KAZN: variants seen among roughly 807,000 people sequenced by gnomAD.
KAZN encodes kazrin, periplakin interacting protein.
A neutral mutation model predicts 87.4 loss-of-function variants in KAZN; 40 were observed. The observed-to-expected ratio is 0.46, with a 90% CI of 0.36 to 0.60. The LOEUF is 0.60. KAZN is among the 20% of genes least tolerant of loss of function. The pLI is 0.00. For missense variants in KAZN, 898 were observed against 1,073.9 expected (o/e 0.84, Z 2.29); for synonymous variants, 466 against 458.3 (o/e 1.02, Z -0.22).
chr1:14,632,265 T>G (rs1157802489), intron 1 of KAZN, among the ~76,000 whole-genome samples: 4 of 152,204 alleles, frequency 2.6e-5, no homozygotes, highest in Admixed American at 6.5e-5. Flanking sequence ...TAAAGGTCCT[T>G]GTTTTTATTT....
At chr1:14,931,165 G>A (rs566216292) in intron 1 of KAZN, among the ~76,000 whole-genome samples, 20 of 152,192 alleles carry the variant, frequency 1.3e-4, no homozygotes, top group African/African-American at 3.9e-4. Flanking sequence ...GGCTGGGCTC[G>A]ATGGCTCACA....
intron 1 of KAZN, among the ~76,000 whole-genome samples, chr1:14,869,932 C>T (rs1475331724): frequency 6.6e-6 from 1 of 152,186 alleles, no homozygotes; most frequent in Non-Finnish European, 1.5e-5. Flanking sequence ...CCTGAAGCCA[C>T]CCAACACCCA....
intron 2 of KAZN, among the ~76,000 whole-genome samples, chr1:14,572,525 G>C (rs1448305916): frequency 6.6e-6 from 1 of 152,204 alleles, no homozygotes; most frequent in African/African-American, 2.4e-5. Context: ...GTATGACTCT[G>C]GGCTCAGAGC....
At chr1:13,958,909 A>G (rs1235559890) in intron 1 of KAZN, among the ~76,000 whole-genome samples, 1 of 152,168 alleles carries the variant, frequency 6.6e-6, no homozygotes, top group Non-Finnish European at 1.5e-5. Flanking sequence ...TATAGGCTCT[A>G]CTAGATTGGT....
intron 2 of KAZN, among the ~76,000 whole-genome samples, chr1:14,290,634 G>T (rs1220118878): frequency 6.6e-6 from 1 of 152,268 alleles, no homozygotes; most frequent in Admixed American, 6.5e-5. Context: ...TCCTCCTTCA[G>T]CTTGGAGAAG....
chr1:14,313,248 T>C (rs1655429529), intron 2 of KAZN, among the ~76,000 whole-genome samples: 1 of 152,116 alleles, frequency 6.6e-6, no homozygotes, highest in Non-Finnish European at 1.5e-5. Flanking sequence ...AAAGGTTATC[T>C]CTTGACATCT....
At chr1:14,251,606 C>G (rs1235361832) in intron 2 of KAZN, among the ~76,000 whole-genome samples, 1 of 147,302 alleles carries the variant, frequency 6.8e-6, no homozygotes, top group African/African-American at 2.6e-5. Context: ...TGGGGTAGGT[C>G]CAGAAAAATC....
intron 1 of KAZN, among the ~76,000 whole-genome samples, chr1:14,638,364 C>T (rs1680155811): frequency 2.0e-5 from 3 of 151,918 alleles, no homozygotes; most frequent in African/African-American, 4.8e-5. Flanking sequence ...AGGTCAGAAG[C>T]TTGAGACCAG....
At chr1:14,828,916 T>G (rs1342878507) in intron 1 of KAZN, among the ~76,000 whole-genome samples, 1 of 152,182 alleles carries the variant, frequency 6.6e-6, no homozygotes, top group African/African-American at 2.4e-5. Flanking sequence ...GAGCAACATT[T>G]GTACTGCTTT....
chr1:14,749,178 C>G (rs116824721), intron 1 of KAZN, among the ~76,000 whole-genome samples: 111 of 152,290 alleles, frequency 7.3e-4, no homozygotes, highest in African/African-American at 2.4e-3. Flanking sequence ...GAACTCACAT[C>G]CACTGAGACC....
At chr1:15,107,845 C>T (rs1245506506) in intron 13 of KAZN, among the ~76,000 whole-genome samples, 1 of 152,084 alleles carries the variant, frequency 6.6e-6, no homozygotes, top group African/African-American at 2.4e-5. Flanking sequence ...CAGTTTCTTC[C>T]TCTGTAATAG....
intron 2 of KAZN, among the ~76,000 whole-genome samples, chr1:14,356,053 A>G (rs1255370217): frequency 2.0e-5 from 3 of 152,210 alleles, no homozygotes; most frequent in Non-Finnish European, 4.4e-5. Context: ...CCAATGGTGT[A>G]AAAGTGTTCC....
chr1:14,250,601 A>G (rs997700424), intron 2 of KAZN, among the ~76,000 whole-genome samples: 1 of 151,958 alleles, frequency 6.6e-6, no homozygotes, highest in Admixed American at 6.6e-5. Flanking sequence ...CAACATTAAG[A>G]CTTTGAAGCA....
chr1:14,018,419 G>A (rs12078958), intron 1 of KAZN, among the ~76,000 whole-genome samples: 25,045 of 152,152 alleles, frequency 0.16, 2,240 homozygotes, highest in Middle Eastern at 0.2. Flanking sequence ...GCTGATCTTC[G>A]CCCTTTTGGG....
chr1:14,082,221 A>T (rs921724263), intron 1 of KAZN, among the ~76,000 whole-genome samples: 3 of 152,196 alleles, frequency 2.0e-5, no homozygotes, highest in African/African-American at 7.2e-5. Context: ...TGGTTTTGTG[A>T]GGACTGCCTT....
intron 2 of KAZN, among the ~76,000 whole-genome samples, chr1:14,409,119 G>C (rs762589666): frequency 6.6e-6 from 1 of 152,162 alleles, no homozygotes; most frequent in Non-Finnish European, 1.5e-5. Flanking sequence ...TGATTCAGAA[G>C]GCAACCCTCT....
intron 1 of KAZN, among the ~76,000 whole-genome samples, chr1:14,136,865 T>G (rs1367312335): frequency 6.6e-6 from 1 of 152,118 alleles, no homozygotes; most frequent in African/African-American, 2.4e-5. Context: ...GCATGGGGAC[T>G]AGGACCAAGT....
At position 14,362,921 on chromosome 1, in the gene KAZN, G is replaced by T. The variant is rs191834027; in HGVS notation, c.249+182329G>T. On this transcript the variant is annotated intron_variant, in intron 2 of 16. Coordinates refer to the KAZN transcript ENST00000636203. ...ATATAGAGAAACTGAGGCAGGAAGG[G>T]GGCTCAGCCTCCATGAGGTCCCCCA... Among the ~76,000 whole-genome samples the T allele has an allele frequency of 9.0e-3, 1,372 of 152,182 alleles. 10 individuals carry two copies. Among genetic ancestry groups the T allele is most frequent in the Non-Finnish European group, 0.013 (861 of 68,008 alleles).
chr1:13,895,066 T>C (rs1638983846), intron 1 of KAZN, among the ~76,000 whole-genome samples: 1 of 152,214 alleles, frequency 6.6e-6, no homozygotes, highest in Non-Finnish European at 1.5e-5. Context: ...ATTGCAAAGA[T>C]TAATTAAGTT....
Sources: gnomAD v4.1 joint callset for allele counts (sites outside exome capture counted in the v4.1 genomes callset) on GRCh38, gnomAD v4.1.1 for gene constraint, MANE v1.5 for transcripts, NCBI Gene and HGNC (gene_info 2026-07-23, HGNC 2026-07-21) for gene names.